Variants in PDZD2 observed in about 807,000 individuals in gnomAD.
PDZD2 encodes PDZ domain-containing protein 2.
Under a neutral mutation model 220.7 loss-of-function variants are expected in PDZD2, and 90 were observed. The observed-to-expected ratio is 0.41, with a 90% CI of 0.34 to 0.49. The LOEUF (loss-of-function observed/expected upper bound fraction) is 0.49. Ranked by LOEUF, PDZD2 falls within the 20% of genes least tolerant of loss-of-function variation. PDZD2 has a pLI of 0.28. For synonymous variants in PDZD2, 1,375 were observed against 1,450.5 expected, an observed-to-expected ratio of 0.95 and a Z score of 1.18; for missense variants, 3,174 against 3,608.5, an observed-to-expected ratio of 0.88 and a Z score of 3.08.
intron 1 of PDZD2, among the ~76,000 whole-genome samples, chr5:31,796,799 T>C (rs1754052809): frequency 6.6e-6 from 1 of 152,192 alleles, no homozygotes. Flanking sequence ...GCTGAATGAA[T>C]CAAATGAGTG....
At chr5:31,898,199 C>T (rs1404756889) in intron 2 of PDZD2, among the ~76,000 whole-genome samples, 1 of 152,242 alleles carries the variant, frequency 6.6e-6, no homozygotes, top group Non-Finnish European at 1.5e-5. Context: ...TGGCTTGCTT[C>T]AAATCTGTTA....
Position 32,010,960 on chromosome 5 carries a change from G to C in PDZD2, c.1407+478G>C, listed in dbSNP as rs567042740. ...TGCAGTGAGCTGAGATCTCGCCACTGCACTCAAGCCTGGGCTACAGAGCGA... is the reference window on the plus strand; with the variant it reads ...TGCAGTGAGCTGAGATCTCGCCACTCCACTCAAGCCTGGGCTACAGAGCGA... On this transcript the variant is annotated intron_variant, in intron 6 of 24. Coordinates refer to ENST00000438447, the MANE Select transcript of PDZD2 (RefSeq NM_178140.4). Among the ~76,000 whole-genome samples the C allele has an allele frequency of 7.0e-4, 94 of 134,724 alleles. No homozygotes were observed. In the South Asian group the frequency reaches 8.8e-3, roughly 13 times the overall value. 88.4% of individuals were successfully genotyped at this position (134,724 alleles called of 152,430 possible).
chr5:32,077,641 A>C (rs1741426219), intron 19 of PDZD2, 35 bp downstream of exon 19: 1 of 1,605,798 alleles, frequency 6.2e-7, no homozygotes. Context: ...ATCTTAAAGT[A>C]GGTGGGGAGA....
chr5:31,988,645 A>G (rs1581222418), intron 3 of PDZD2, among the ~76,000 whole-genome samples: 2 of 152,194 alleles, frequency 1.3e-5, no homozygotes, highest in Admixed American at 1.3e-4. Context: ...GAAAGTTGCA[A>G]GCTTCTCATG....
chr5:31,825,054 C>T (rs150130964), intron 2 of PDZD2, among the ~76,000 whole-genome samples: 1,580 of 152,302 alleles, frequency 0.01, 11 homozygotes, highest in African/African-American at 0.014. Flanking sequence ...TCCCTACACA[C>T]GCCCACGCAT....
chr5:31,662,863 C>A (rs967940248), intron 1 of PDZD2, among the ~76,000 whole-genome samples: 3 of 152,226 alleles, frequency 2.0e-5, no homozygotes, highest in East Asian at 3.8e-4. Flanking sequence ...ATCTCCTGAC[C>A]TTGTGATCCA....
At chr5:31,751,744 C>A (rs972367413) in intron 1 of PDZD2, among the ~76,000 whole-genome samples, 1 of 152,182 alleles carries the variant, frequency 6.6e-6, no homozygotes, top group Non-Finnish European at 1.5e-5. Context: ...TTGGCATCAG[C>A]ATCCTGGGAG....
chr5:32,048,811 G>A (rs2112288145), intron 8 of PDZD2, 127 bp downstream of exon 8: 3 of 908,266 alleles, frequency 3.3e-6, no homozygotes, highest in Non-Finnish European at 5.0e-6. Flanking sequence ...AGCAGGCAAA[G>A]TGAGGTCTAC....
chr5:31,724,602 CAAAAAAAAAAA>C (rs35523154), intron 1 of PDZD2, among the ~76,000 whole-genome samples: 5 of 61,014 alleles, frequency 8.2e-5, no homozygotes, highest in Non-Finnish European at 8.9e-5. Context: ...AATTCCGTCT[CAAAAAAAAAAA>C]AAAAAAAAAA....
intron 1 of PDZD2, among the ~76,000 whole-genome samples, chr5:31,749,904 G>A (rs1200849213): frequency 1.3e-5 from 2 of 152,212 alleles, no homozygotes; most frequent in African/African-American, 2.4e-5. Flanking sequence ...TAAGGAGAAA[G>A]ACAGTGTTCC....
intron 2 of PDZD2, among the ~76,000 whole-genome samples, chr5:31,982,258 AACACAGTGTACTGTTGCC>A: frequency 1.3e-5 from 2 of 152,312 alleles, no homozygotes; most frequent in South Asian, 4.1e-4. Context: ...ATCCTCATTC[AACACAGTGTACTGTTGCC>A]ACCAGTGCCT....
At chr5:31,703,055 G>A (rs1414277750) in intron 1 of PDZD2, among the ~76,000 whole-genome samples, 1 of 152,192 alleles carries the variant, frequency 6.6e-6, no homozygotes, top group Non-Finnish European at 1.5e-5. Flanking sequence ...GTCACCAGCT[G>A]GTCTTCTCAG....
chr5:32,040,333 A>T (rs62361266), intron 7 of PDZD2, among the ~76,000 whole-genome samples: 1 of 125,412 alleles, frequency 8.0e-6, no homozygotes, highest in Non-Finnish European at 1.7e-5. Context: ...TGCCCTGTCT[A>T]GGAAGTGAGG....
intron 1 of PDZD2, among the ~76,000 whole-genome samples, chr5:31,761,079 C>T (rs552505278): frequency 3.3e-5 from 5 of 151,882 alleles, no homozygotes; most frequent in Admixed American, 6.6e-5. Context: ...GTGGTGGTGA[C>T]GGGAGTGGTG....
intron 1 of PDZD2, among the ~76,000 whole-genome samples, chr5:31,678,561 G>C (rs1291905011): frequency 6.6e-6 from 1 of 152,126 alleles, no homozygotes; most frequent in East Asian, 1.9e-4. Context: ...TCAGTCTCTA[G>C]GGTGATTCAT....
intron 2 of PDZD2, chr5:31,823,282 C>G: frequency 3.0e-6 from 1 of 332,242 alleles, no homozygotes; most frequent in Non-Finnish European, 5.7e-6. Context: ...TGGGCCAAGG[C>G]ATGGTGAAAC....
intron 2 of PDZD2, among the ~76,000 whole-genome samples, chr5:31,932,835 T>G (rs965784890): frequency 6.6e-6 from 1 of 152,044 alleles, no homozygotes; most frequent in African/African-American, 2.4e-5. Context: ...CTATTCTGAG[T>G]GCCTCATACG....
intron 2 of PDZD2, among the ~76,000 whole-genome samples, chr5:31,931,640 G>A (rs958130606): frequency 6.6e-6 from 1 of 152,130 alleles, no homozygotes; most frequent in Non-Finnish European, 1.5e-5. Context: ...AGGGAGGAAC[G>A]AAGAAGCTGG....
In PDZD2 at chr5:32,090,325, A is replaced by G. The variant is rs1279047389; in HGVS notation, c.6877A>G (p.Thr2293Ala). The G allele has an allele frequency of 6.2e-7, 1 of 1,614,128 alleles. No individual in the cohort carries two copies. Among genetic ancestry groups the G allele is most frequent in the African/African-American group, 1.3e-5 (1 of 74,956 alleles). The change falls in exon 20 of 25, where the codon ACA becomes GCA. Residue 2293 changes from threonine (T) to alanine (A), a missense_variant. Around this residue, in one of 4 missense-constraint regions of PDZD2, gnomAD observed 631 missense variants for 789.9 expected, o/e 0.80. Coordinates refer to ENST00000438447, the MANE Select transcript of PDZD2 (RefSeq NM_178140.4). This position sits in a 1 kb window ranked among gnomAD's most constrained non-coding sequence, Gnocchi z 4.3. ...GGACACATCGAGGAATCTTCCAGCC[A>G]CAGATGAAGGGGATATCATTTCAGT... ...LLDTSRNLPA[T>A]DEGDIISVQE...
Sources: allele counts gnomAD v4.1 joint callset (sites outside exome capture counted in the v4.1 genomes callset), GRCh38; gene constraint gnomAD v4.1.1; regional missense constraint gnomAD v4.1.1; non-coding constraint Gnocchi (gnomAD v3.1); transcripts MANE v1.5; gene names NCBI Gene and HGNC (gene_info 2026-07-23, HGNC 2026-07-21).